GPBP1L1: variants seen among roughly 807,000 people sequenced by gnomAD.
GPBP1L1 encodes the protein vasculin-like protein 1.
In GPBP1L1, 23 loss-of-function variants were observed where a neutral mutation model predicts 52.5. The observed-to-expected ratio is 0.44, with a 90% CI of 0.32 to 0.62. The LOEUF is 0.62. Among genes scored for constraint, GPBP1L1 ranks in the 20% least tolerant of loss-of-function variants. The probability of loss-of-function intolerance (pLI) is 0.06; values close to 1 mark genes in which losing one functional copy is unlikely to be tolerated. For synonymous variants in GPBP1L1, 243 were observed against 203.1 expected, an observed-to-expected ratio of 1.20 and a Z score of -1.67; for missense variants, 596 against 579.3, an observed-to-expected ratio of 1.03 and a Z score of -0.30.
In GPBP1L1 at chr1:45,647,934, T is replaced by C. The variant is rs113461298; in HGVS notation, c.478-5435A>G. Among the ~76,000 whole-genome samples the C allele has an allele frequency of 5.0e-3, 767 of 152,188 alleles. 7 individuals are homozygous for C. Among genetic ancestry groups the C allele is most frequent in the African/African-American group, 0.017 (722 of 41,506 alleles). Reference sequence around the variant, plus strand: ...CCTTGTATGTATGCATATATGTCTGTGTGTATGTTTTTTTCTTTTTTTTTG... The same window carrying C: ...CCTTGTATGTATGCATATATGTCTGCGTGTATGTTTTTTTCTTTTTTTTTG... On this transcript the variant is annotated intron_variant, in intron 6 of 12. Transcript: ENST00000355105.
At chr1:45,669,903 G>C (rs1166194553) in intron 2 of GPBP1L1, among the ~76,000 whole-genome samples, 1 of 152,142 alleles carries the variant, frequency 6.6e-6, no homozygotes, top group African/African-American at 2.4e-5. Flanking sequence ...CTCCTTTTTA[G>C]TATTTCCCTG....
chr1:45,646,304 T>C (rs1162261944), intron 6 of GPBP1L1: 1 of 181,418 alleles, frequency 5.5e-6, no homozygotes, highest in Non-Finnish European at 1.1e-5. Flanking sequence ...AAGCACAAAA[T>C]CTTTGGCTCA....
rs534326379 is a variant in GPBP1L1 at position 45,654,177 on chromosome 1, T to A, written c.477+366A>T. 75 of 171,936 alleles carry A rather than the reference T, an allele frequency of 4.4e-4. 1 individual carries two copies. The South Asian group carries it at 9.2e-3, about 21-fold the overall frequency. The allele number at this position is 171,936 out of a possible 1,614,324, so 10.7% of individuals were successfully genotyped here. On this transcript the variant is annotated intron_variant, in intron 6 of 12. Transcript: ENST00000355105. ...TTACATGTTCATGTCACAGTAATTTTATGTGATAGAGAACAAAATCAAGAG... is the reference window on the plus strand; with the variant it reads ...TTACATGTTCATGTCACAGTAATTTAATGTGATAGAGAACAAAATCAAGAG...
intron 2 of GPBP1L1, among the ~76,000 whole-genome samples, chr1:45,673,205 T>C (rs1222548671): frequency 6.6e-6 from 1 of 152,084 alleles, no homozygotes; most frequent in Non-Finnish European, 1.5e-5. Context: ...GCAGAACACG[T>C]GGGTACTAAT....
At chr1:45,675,035 T>G (rs1645121415) in intron 2 of GPBP1L1, among the ~76,000 whole-genome samples, 1 of 152,112 alleles carries the variant, frequency 6.6e-6, no homozygotes, top group South Asian at 2.1e-4. Flanking sequence ...TCCAAGTGAG[T>G]GACTTAAACT....
chr1:45,666,801 AAT>A (rs1645015819), intron 2 of GPBP1L1, among the ~76,000 whole-genome samples: 1 of 152,234 alleles, frequency 6.6e-6, no homozygotes, highest in African/African-American at 2.4e-5. Context: ...AAACAACTGA[AAT>A]GTCTATCAAC....
At chr1:45,679,077 T>C (rs1174600916) in intron 2 of GPBP1L1, among the ~76,000 whole-genome samples, 2 of 152,154 alleles carry the variant, frequency 1.3e-5, no homozygotes, top group Non-Finnish European at 2.9e-5. Context: ...AAAGAAAGAA[T>C]GACACGGAGA....
rs572584729 is a variant in GPBP1L1 at position 45,660,949 on chromosome 1, C to T, written c.-821G>A. 9 of 152,286 alleles carry T rather than the reference C, an allele frequency of 5.9e-5. No homozygotes were observed. The highest frequency in any genetic ancestry group is 7.4e-5 in the Non-Finnish European group (5 of 68,026). The allele number at this position is 152,286 out of a possible 1,614,324, so 9.4% of individuals were successfully genotyped here. On this transcript the variant is annotated 5_prime_UTR_variant, in exon 3 of 13. Coordinates refer to ENST00000355105, the MANE Select transcript of GPBP1L1 (RefSeq NM_021639.5). ...CTAAATGTATATTCTATGTCTTTGG[C>T]CTTTACTATTTATAAATTCAGAGCA...
At chr1:45,684,309 A>C (rs955972730) in intron 2 of GPBP1L1, among the ~76,000 whole-genome samples, 1 of 151,892 alleles carries the variant, frequency 6.6e-6, no homozygotes, top group Admixed American at 6.6e-5. Context: ...AAAAAAAAGT[A>C]AGTAACAAAT....
intron 4 of GPBP1L1, among the ~76,000 whole-genome samples, chr1:45,656,797 C>T (rs1644890160): frequency 6.6e-6 from 1 of 151,956 alleles, no homozygotes; most frequent in Non-Finnish European, 1.5e-5. Context: ...TCCCAAGTAG[C>T]TGAGATGACA....
intron 10 of GPBP1L1, 200 bp from the exon 11 acceptor site, chr1:45,630,806 G>T: frequency 1.8e-6 from 1 of 564,708 alleles, no homozygotes; most frequent in Non-Finnish European, 3.1e-6. Flanking sequence ...AAAGGCAAAA[G>T]ATCCAGAACA....
intron 10 of GPBP1L1, among the ~76,000 whole-genome samples, chr1:45,631,482 C>CG (rs1644530415): frequency 6.6e-6 from 1 of 152,116 alleles, no homozygotes; most frequent in African/African-American, 2.4e-5. Context: ...AGGCTGGTCT[C>CG]AAACTCCTGA....
intron 2 of GPBP1L1, among the ~76,000 whole-genome samples, chr1:45,672,604 T>C (rs1265138852): frequency 1.3e-5 from 2 of 151,974 alleles, no homozygotes; most frequent in African/African-American, 4.8e-5. Flanking sequence ...TGGATAAGAG[T>C]CTGCAGTTCA....
intron 8 of GPBP1L1, among the ~76,000 whole-genome samples, chr1:45,638,912 G>A (rs184556007): frequency 5.9e-5 from 9 of 152,336 alleles, no homozygotes; most frequent in Admixed American, 2.0e-4. Context: ...GTTTGGCTAT[G>A]AGAAACTTCA....
At chr1:45,671,327 A>C (rs1408964629) in intron 2 of GPBP1L1, among the ~76,000 whole-genome samples, 1 of 148,056 alleles carries the variant, frequency 6.8e-6, no homozygotes, top group Non-Finnish European at 1.5e-5. Context: ...CTCGTGCCTC[A>C]CCTTCTCAAG....
intron 6 of GPBP1L1, among the ~76,000 whole-genome samples, chr1:45,648,111 A>C (rs901906801): frequency 6.6e-6 from 1 of 151,806 alleles, no homozygotes; most frequent in Non-Finnish European, 1.5e-5. Flanking sequence ...GCTAATTTTT[A>C]AATTTTTTGT....
At chr1:45,637,272 T>A (rs914126353) in intron 8 of GPBP1L1, among the ~76,000 whole-genome samples, 1 of 152,214 alleles carries the variant, frequency 6.6e-6, no homozygotes, top group Non-Finnish European at 1.5e-5. Context: ...AATGAATGGA[T>A]AAATCAACAT....
In GPBP1L1 at chr1:45,668,043, T is replaced by C. The variant is rs538165654; in HGVS notation, c.-1097-6818A>G. On this transcript the variant is annotated intron_variant, in intron 2 of 12. Transcript: ENST00000355105. ...TGTGAGCCACGCCTGCCCTCTAGTC[T>C]TAACAAAAATCTATACAGAATAGTG... 3.3e-4 allele frequency among the ~76,000 whole-genome samples: 51 copies of C among 152,258 alleles called. 1 individual carries two copies. Among genetic ancestry groups the C allele is most frequent in the East Asian group, 1.5e-3 (8 of 5,184 alleles).
chr1:45,660,319 G>C lies in GPBP1L1; in HGVS notation c.-191C>G. Reference sequence around the variant, plus strand: ...CTTATGATGAAGCACGAAGAAGCCAGGTTCTGTGTCGATCACTCTCTCAGT... The same window carrying C: ...CTTATGATGAAGCACGAAGAAGCCACGTTCTGTGTCGATCACTCTCTCAGT... On this transcript the variant is annotated 5_prime_UTR_variant, in exon 3 of 13. Coordinates refer to ENST00000355105, the MANE Select transcript of GPBP1L1 (RefSeq NM_021639.5). The C allele has an allele frequency of 4.1e-6, 4 of 985,302 alleles. No homozygotes were observed. Among genetic ancestry groups the C allele is most frequent in the Non-Finnish European group, 4.8e-6 (4 of 829,914 alleles). The allele number at this position is 985,302 out of a possible 1,614,324, so 61.0% of individuals were successfully genotyped here. A position where few individuals can be genotyped will look rare whatever the true frequency, so the allele number is the denominator to read the frequency against.
Sources: allele counts gnomAD v4.1 joint callset (sites outside exome capture counted in the v4.1 genomes callset), GRCh38; gene constraint gnomAD v4.1.1; transcripts MANE v1.5; gene names NCBI Gene and HGNC (gene_info 2026-07-23, HGNC 2026-07-21).